GPBP1L1: variants seen among roughly 807,000 people sequenced by gnomAD.
The protein encoded by GPBP1L1 is vasculin-like protein 1.
A neutral mutation model predicts 52.5 loss-of-function variants in GPBP1L1; 23 were observed. The ratio of observed to expected loss-of-function variants is 0.44; its 90% confidence interval spans 0.32 to 0.62. GPBP1L1 has a LOEUF of 0.62. GPBP1L1 is among the 20% of genes least tolerant of loss of function. GPBP1L1 has a pLI of 0.06. For missense variants in GPBP1L1, 596 were observed against 579.3 expected (o/e 1.03, Z -0.30); for synonymous variants, 243 against 203.1 (o/e 1.20, Z -1.67).
In GPBP1L1 at chr1:45,628,439, G is replaced by A. The variant is rs1557691005; in HGVS notation, c.1273-31C>T. On this transcript the variant is annotated intron_variant, in intron 12 of 12. Transcript: ENST00000355105. ...GTTAGCATGGGAGAGAAAGAAAAAAGAAAAAAATATCAATGACTGTACTGA... is the reference window on the plus strand; with the variant it reads ...GTTAGCATGGGAGAGAAAGAAAAAAAAAAAAAATATCAATGACTGTACTGA... 1.8e-5 allele frequency: 29 copies of A among 1,601,424 alleles called. No individual in the cohort carries two copies. The Admixed American group carries it at 2.4e-4, about 13-fold the overall frequency.
chr1:45,654,953 ATCTTT>A (rs1644866953), intron 5 of GPBP1L1, 124 bp from the exon 6 acceptor site: 1 of 1,084,568 alleles, frequency 9.2e-7, no homozygotes, highest in Non-Finnish European at 1.3e-6. Context: ...AAAAAAATGT[ATCTTT>A]TCTTTGTGAG....
At position 45,676,710 on chromosome 1, in the gene GPBP1L1, C is replaced by CAAA. The variant is rs1189531708; in HGVS notation, c.-1098+8863_-1098+8865dup. Among the ~76,000 whole-genome samples, 194 of 63,250 alleles carry CAAA rather than the reference C, an allele frequency of 3.1e-3. 1 individual carries two copies. The highest frequency in any genetic ancestry group is 0.021 in the East Asian group (42 of 2,006). 41.5% of individuals were successfully genotyped at this position (63,250 alleles called of 152,430 possible). On this transcript the variant is annotated intron_variant, in intron 2 of 12. Transcript: ENST00000355105. ...GGGCAACAAGAGCGAAACTCTGTCT[C>CAAA]AAAAAAAAAAAAAAAAAAAAAAATT...
intron 10 of GPBP1L1, among the ~76,000 whole-genome samples, chr1:45,632,834 TAAA>T (rs923185053): frequency 2.0e-5 from 3 of 152,120 alleles, no homozygotes; most frequent in African/African-American, 7.2e-5. Context: ...TAAGAACTCT[TAAA>T]ACTTAGCAAT....
chr1:45,644,669 T>A (rs1317874830), intron 6 of GPBP1L1, among the ~76,000 whole-genome samples: 2 of 152,194 alleles, frequency 1.3e-5, no homozygotes, highest in African/African-American at 4.8e-5. Flanking sequence ...CCTCTTTCTA[T>A]AAATTGGTAG....
chr1:45,672,044 A>G (rs1272367352), intron 2 of GPBP1L1, among the ~76,000 whole-genome samples: 6 of 152,066 alleles, frequency 3.9e-5, no homozygotes, highest in African/African-American at 1.4e-4. Flanking sequence ...TTTTCTCCAT[A>G]AAGATGCAAT....
In GPBP1L1 at chr1:45,654,643, G is replaced by A; in HGVS notation, c.377C>T (p.Ser126Phe). ...NHRHWNGSFHSRKGCAFQEKP... is the reference protein window; with the variant it reads ...NHRHWNGSFHFRKGCAFQEKP... ...TTCCTGAAAAGCACACCCTTTCCGGGAGTGGAAGCTGCCATTCCAATGGCG... is the reference window on the plus strand; with the variant it reads ...TTCCTGAAAAGCACACCCTTTCCGGAAGTGGAAGCTGCCATTCCAATGGCG... The change falls in exon 6 of 13, where the codon TCC (serine) becomes TTC (phenylalanine). Residue 126 changes from serine to phenylalanine, a missense_variant. Transcript: ENST00000355105. 1 of 1,614,104 alleles carries A rather than the reference G, an allele frequency of 6.2e-7. No homozygotes were observed. The highest frequency in any genetic ancestry group is 8.5e-7 in the Non-Finnish European group (1 of 1,180,012).
At position 45,659,069 on chromosome 1, in the gene GPBP1L1, CA is replaced by C; in HGVS notation, c.18del (p.Phe6LeufsTer6). On this transcript the variant is annotated frameshift_variant, in exon 4 of 13. Transcript: ENST00000355105. LOFTEE classifies it high-confidence loss of function. MAQHDFVPAWLNFSTP... is the reference protein window; with the variant it reads MAQHDXVPAWLNFSTP... Reference sequence around the variant, plus strand: ...GTTGAGAAATTTAGCCAAGCAGGAACAAAATCATGCTGCGCCATTTAGGTCC... The same window carrying C: ...GTTGAGAAATTTAGCCAAGCAGGAACAAATCATGCTGCGCCATTTAGGTCC... 1 of 1,614,098 alleles carries C rather than the reference CA, an allele frequency of 6.2e-7. No homozygotes were observed. Among genetic ancestry groups the C allele is most frequent in the Non-Finnish European group, 8.5e-7 (1 of 1,179,938 alleles).
intron 2 of GPBP1L1, among the ~76,000 whole-genome samples, chr1:45,663,366 A>G (rs1055294414): frequency 1.3e-5 from 2 of 152,220 alleles, no homozygotes; most frequent in Non-Finnish European, 2.9e-5. Context: ...ACCACTAGGT[A>G]CCTTCCGGTT....
chr1:45,634,425 G>A (rs992006538), intron 8 of GPBP1L1, 189 bp from the exon 9 acceptor site: 5 of 492,812 alleles, frequency 1.0e-5, no homozygotes, highest in African/African-American at 1.9e-5. Flanking sequence ...TGGTAGATGG[G>A]ATACAGAAGA....
At chr1:45,662,987 G>T (rs986908598) in intron 2 of GPBP1L1, among the ~76,000 whole-genome samples, 17 of 142,040 alleles carry the variant, frequency 1.2e-4, no homozygotes, top group Non-Finnish European at 2.1e-4. Flanking sequence ...GGAGGCGGAG[G>T]TTACAGTGAG....
chr1:45,679,825 G>A (rs979686017), intron 2 of GPBP1L1, among the ~76,000 whole-genome samples: 1 of 150,686 alleles, frequency 6.6e-6, no homozygotes, highest in African/African-American at 2.4e-5. Flanking sequence ...GGTAAAGATG[G>A]GAGGAATTGC....
In GPBP1L1 at chr1:45,673,601, C is replaced by T. The variant is rs575021523; in HGVS notation, c.-1098+11975G>A. On this transcript the variant is annotated intron_variant, in intron 2 of 12. Transcript: ENST00000355105. ...TTTCGGCTGGGCGCGGTGGCTCACG[C>T]CTGTAATCCCAGCACTTTGGGAGGC... Among the ~76,000 whole-genome samples the T allele has an allele frequency of 5.9e-5, 9 of 152,366 alleles. No homozygotes were observed. The East Asian group carries it at 1.2e-3, about 20-fold the overall frequency.
intron 2 of GPBP1L1, among the ~76,000 whole-genome samples, chr1:45,664,519 T>C (rs1044045546): frequency 2.0e-5 from 3 of 151,534 alleles, no homozygotes; most frequent in African/African-American, 4.9e-5. Flanking sequence ...TGAGCGGAGA[T>C]GGGCCACTGC....
intron 6 of GPBP1L1, among the ~76,000 whole-genome samples, chr1:45,653,355 G>T (rs184258586): frequency 1.3e-5 from 2 of 152,206 alleles, no homozygotes; most frequent in Admixed American, 1.3e-4. Flanking sequence ...GCAACATAGT[G>T]ATAGCTAGTC....
chr1:45,674,426 T>C (rs1334318665), intron 2 of GPBP1L1, among the ~76,000 whole-genome samples: 4 of 150,478 alleles, frequency 2.7e-5, no homozygotes, highest in Admixed American at 2.6e-4. Flanking sequence ...CTGAAGTCTT[T>C]GTCAGAGAGC....
At chr1:45,677,104 G>A (rs2148514083) in intron 2 of GPBP1L1, among the ~76,000 whole-genome samples, 1 of 152,230 alleles carries the variant, frequency 6.6e-6, no homozygotes, top group South Asian at 2.1e-4. Flanking sequence ...GGGAGGCTGA[G>A]GCAGGTGGAT....
chr1:45,653,245 A>AAC (rs1193765234), intron 6 of GPBP1L1, among the ~76,000 whole-genome samples: 6 of 152,194 alleles, frequency 3.9e-5, no homozygotes, highest in African/African-American at 1.2e-4. Context: ...GCTACTTAAA[A>AAC]ACAGCTAGAG....
intron 12 of GPBP1L1, among the ~76,000 whole-genome samples, 160 bp from the exon 13 acceptor site, chr1:45,628,568 T>C (rs1231344864): frequency 6.6e-6 from 1 of 152,228 alleles, no homozygotes; most frequent in Non-Finnish European, 1.5e-5. Context: ...ACCAGTACTT[T>C]TCAAATTTTA....
At position 45,654,541 on chromosome 1, in the gene GPBP1L1, A is replaced by G; in HGVS notation, c.477+2T>C. 6.2e-7 allele frequency: 1 copy of G among 1,605,146 alleles called. No homozygotes were observed. The highest frequency in any genetic ancestry group is 8.5e-7 in the Non-Finnish European group (1 of 1,173,514). On this transcript the variant is annotated splice_donor_variant, in intron 6 of 12. Coordinates refer to ENST00000355105, the MANE Select transcript of GPBP1L1 (RefSeq NM_021639.5). LOFTEE classifies it high-confidence loss of function. ...ACCACACATCTAAAGATTCATACTTACAAAGTCCTCCTCTTCAAACTGCAA... is the reference window on the plus strand; with the variant it reads ...ACCACACATCTAAAGATTCATACTTGCAAAGTCCTCCTCTTCAAACTGCAA...
Sources: gnomAD v4.1 joint callset for allele counts (sites outside exome capture counted in the v4.1 genomes callset) on GRCh38, gnomAD v4.1.1 for gene constraint, MANE v1.5 for transcripts, NCBI Gene and HGNC (gene_info 2026-07-23, HGNC 2026-07-21) for gene names.